SGCZ: variants seen among roughly 807,000 people sequenced by gnomAD.
SGCZ encodes sarcoglycan zeta.
In SGCZ, 40 loss-of-function variants were observed where a neutral mutation model predicts 41.3. That is an observed-to-expected ratio of 0.97 (90% CI 0.75 to 1.26). The LOEUF is 1.26. SGCZ is among the 50% of genes most tolerant of loss of function. SGCZ has a pLI of 0.00. For synonymous variants in SGCZ, 206 were observed against 137.5 expected, an observed-to-expected ratio of 1.50 and a Z score of -3.49; for missense variants, 552 against 369.8, an observed-to-expected ratio of 1.49 and a Z score of -4.04.
intron 1 of SGCZ, among the ~76,000 whole-genome samples, chr8:14,619,276 G>C (rs1190805583): frequency 2.0e-5 from 3 of 152,072 alleles, no homozygotes; most frequent in Non-Finnish European, 2.9e-5. Context: ...ATTAGGTATT[G>C]ATGGGATGTA....
intron 1 of SGCZ, among the ~76,000 whole-genome samples, chr8:15,047,148 C>T (rs990496862): frequency 6.6e-6 from 1 of 151,932 alleles, no homozygotes; most frequent in Admixed American, 6.6e-5. Context: ...TTCTTTTTAT[C>T]TTGTATATTT....
intron 1 of SGCZ, among the ~76,000 whole-genome samples, chr8:14,584,998 T>C (rs1400995266): frequency 6.6e-6 from 1 of 152,190 alleles, no homozygotes; most frequent in East Asian, 1.9e-4. Flanking sequence ...GGTACAACAT[T>C]GGGCTACAAG....
chr8:15,227,356 T>C (rs1227806314), intron 1 of SGCZ, among the ~76,000 whole-genome samples: 3 of 152,198 alleles, frequency 2.0e-5, no homozygotes, highest in African/African-American at 4.8e-5. Context: ...ATAATGCATA[T>C]ACATAGAAAA....
At chr8:14,258,030 T>C (rs1799526122) in intron 3 of SGCZ, among the ~76,000 whole-genome samples, 1 of 152,192 alleles carries the variant, frequency 6.6e-6, no homozygotes, top group African/African-American at 2.4e-5. Flanking sequence ...AATAAGAACC[T>C]TGCGTGACAT....
intron 1 of SGCZ, among the ~76,000 whole-genome samples, chr8:14,761,136 C>G (rs1283856972): frequency 6.6e-6 from 1 of 152,144 alleles, no homozygotes; most frequent in African/African-American, 2.4e-5. Flanking sequence ...ATTATTCTGT[C>G]ACAGTGCTTT....
At chr8:14,962,287 C>G (rs1008246094) in intron 1 of SGCZ, among the ~76,000 whole-genome samples, 1 of 151,734 alleles carries the variant, frequency 6.6e-6, no homozygotes, top group African/African-American at 2.4e-5. Flanking sequence ...TATATTATAC[C>G]ATGCATTTAA....
intron 1 of SGCZ, among the ~76,000 whole-genome samples, chr8:15,025,645 T>C (rs1183360755): frequency 6.6e-6 from 1 of 152,206 alleles, no homozygotes; most frequent in African/African-American, 2.4e-5. Context: ...ACATGCCATG[T>C]AGGACTTACA....
At position 14,646,005 on chromosome 8, in the gene SGCZ, T is replaced by C. The variant is rs539075025; in HGVS notation, c.40-91079A>G. On this transcript the variant is annotated intron_variant, in intron 1 of 7. Transcript: ENST00000382080. ...TTGGAAATTCAGAATCTCAGAATCTTGAACAAATTAAAGTAGCTTGTAGAG... is the reference window on the plus strand; with the variant it reads ...TTGGAAATTCAGAATCTCAGAATCTCGAACAAATTAAAGTAGCTTGTAGAG... Among the ~76,000 whole-genome samples the C allele has an allele frequency of 1.4e-4, 15 of 103,964 alleles. No individual in the cohort carries two copies. The East Asian group carries it at 3.1e-3, about 22-fold the overall frequency. The allele number at this position is 103,964 out of a possible 152,430, so 68.2% of individuals were successfully genotyped here.
chr8:14,936,049 T>G (rs1036617807), intron 1 of SGCZ, among the ~76,000 whole-genome samples: 2 of 151,976 alleles, frequency 1.3e-5, no homozygotes, highest in Admixed American at 1.3e-4. Flanking sequence ...AACTTGTATG[T>G]ACCTAGACTT....
At chr8:15,074,242 T>C (rs1805453210) in intron 1 of SGCZ, among the ~76,000 whole-genome samples, 1 of 152,176 alleles carries the variant, frequency 6.6e-6, no homozygotes, top group African/African-American at 2.4e-5. Flanking sequence ...CTTAAGATGA[T>C]TCTTTAGGAC....
intron 1 of SGCZ, among the ~76,000 whole-genome samples, chr8:14,586,071 C>T (rs1359942499): frequency 2.6e-5 from 4 of 152,128 alleles, no homozygotes; most frequent in South Asian, 2.1e-4. Context: ...AAAAGGATAA[C>T]GGACTAGTTA....
At chr8:14,729,748 C>T (rs1441169754) in intron 1 of SGCZ, among the ~76,000 whole-genome samples, 1 of 152,166 alleles carries the variant, frequency 6.6e-6, no homozygotes, top group African/African-American at 2.4e-5. Context: ...ACATATTTAT[C>T]TGCAAAACAG....
intron 1 of SGCZ, among the ~76,000 whole-genome samples, chr8:14,581,520 A>T (rs935311744): frequency 1.3e-5 from 2 of 152,006 alleles, no homozygotes; most frequent in African/African-American, 4.8e-5. Context: ...TAAATGAAGA[A>T]TAACCTTCCC....
intron 5 of SGCZ, among the ~76,000 whole-genome samples, chr8:14,129,047 G>A (rs937522867): frequency 1.3e-5 from 2 of 151,938 alleles, no homozygotes; most frequent in Non-Finnish European, 2.9e-5. Context: ...ACACAGTCAT[G>A]TAAAAAACCT....
intron 6 of SGCZ, among the ~76,000 whole-genome samples, chr8:14,104,020 T>TGTATGGAAAGTCTC (rs978978104): frequency 6.6e-6 from 1 of 152,172 alleles, no homozygotes; most frequent in African/African-American, 2.4e-5. Context: ...ACTTCTCTCT[T>TGTATGGAAAGTCTC]GTATGGAAAG....
intron 1 of SGCZ, among the ~76,000 whole-genome samples, chr8:14,912,769 A>C (rs538051604): frequency 3.9e-5 from 6 of 152,232 alleles, no homozygotes; most frequent in South Asian, 4.1e-4. Context: ...AGAAGCTTCC[A>C]GAATTGATGA....
At chr8:15,055,785 C>T (rs1804681530) in intron 1 of SGCZ, among the ~76,000 whole-genome samples, 2 of 152,196 alleles carry the variant, frequency 1.3e-5, no homozygotes, top group South Asian at 4.1e-4. Context: ...TGAGCAAAAT[C>T]CATCACTGTC....
intron 2 of SGCZ, among the ~76,000 whole-genome samples, chr8:14,475,279 A>G (rs1226478595): frequency 6.6e-6 from 1 of 152,144 alleles, no homozygotes. Context: ...TAGAAGTGGT[A>G]TGTTTTCCAA....
intron 1 of SGCZ, among the ~76,000 whole-genome samples, chr8:15,161,651 A>T (rs1799515766): frequency 6.6e-6 from 1 of 152,252 alleles, no homozygotes; most frequent in Admixed American, 6.5e-5. Context: ...TGTTGTAAAA[A>T]GTAGAAACCA....
Sources: gnomAD v4.1 joint callset for allele counts (sites outside exome capture counted in the v4.1 genomes callset) on GRCh38, gnomAD v4.1.1 for gene constraint, MANE v1.5 for transcripts, NCBI Gene and HGNC (gene_info 2026-07-23, HGNC 2026-07-21) for gene names.